Variants in RNF6 observed in about 807,000 individuals in gnomAD.
RNF6 encodes the protein E3 ubiquitin-protein ligase RNF6.
Under a neutral mutation model 50.1 loss-of-function variants are expected in RNF6, and 21 were observed. The ratio of observed to expected loss-of-function variants is 0.42; its 90% CI spans 0.30 to 0.60. The LOEUF (loss-of-function observed/expected upper bound fraction) is 0.60, where lower values mean the gene tolerates loss of function less well. Among genes scored for constraint, RNF6 ranks in the 20% least tolerant of loss-of-function variants. The probability of loss-of-function intolerance (pLI) is 0.20; values close to 1 mark genes in which losing one functional copy is unlikely to be tolerated. For synonymous variants in RNF6, 255 were observed against 291.8 expected (o/e 0.87, Z 1.29); for missense variants, 698 against 838.2 (o/e 0.83, Z 2.07).
intron 5 of RNF6, among the ~76,000 whole-genome samples, chr13:26,159,205 G>A (rs1872084536): frequency 6.6e-6 from 1 of 152,010 alleles, no homozygotes; most frequent in Non-Finnish European, 1.5e-5. Context: ...ACATTATATT[G>A]CCTTTGAGCC....
intron 5 of RNF6, among the ~76,000 whole-genome samples, chr13:26,153,152 CAAGAAAAGAAAAAAAA>C (rs1871715767): frequency 1.3e-5 from 1 of 74,326 alleles, no homozygotes; most frequent in African/African-American, 4.8e-5. Context: ...GACTCTGTCT[CAAGAAAAGAAAAAAAA>C]AAGAAAAGAC....
chr13:26,214,515 T>C lies in RNF6; in HGVS notation c.1367A>G (p.Tyr456Cys). ...SRLERSGIRT[Y>C]VSTITVPLRR... is the part of the protein sequence containing the mutation. ...AAGAGGAACTGTTATGGTACTAACA[T>C]AGGTTCGAATACCTGACCGCTCTAA... The change falls in exon 5 of 5, where the codon TAT becomes TGT. Residue 456 changes from tyrosine (Y) to cysteine (C), a missense_variant. By Grantham distance (194) the Tyr-to-Cys change is radical (BLOSUM62 -2). Coordinates refer to ENST00000381588, the MANE Select transcript of RNF6 (RefSeq NM_005977.4). 1.9e-6 allele frequency: 3 copies of C among 1,614,160 alleles called. No homozygotes were observed. The highest frequency in any genetic ancestry group is 2.5e-6 in the Non-Finnish European group (3 of 1,180,034).
At chr13:26,146,718 C>T (rs1871266333) in intron 5 of RNF6, among the ~76,000 whole-genome samples, 1 of 152,196 alleles carries the variant, frequency 6.6e-6, no homozygotes, top group African/African-American at 2.4e-5. Context: ...ACCCCAGTAG[C>T]TAGAACCCTT....
Position 26,159,337 on chromosome 13 carries a change from A to C in RNF6, n.769-26886T>G, listed in dbSNP as rs149620220. The stretch of plus-strand genomic sequence containing the variant: ...AGTATTTTTAGTGTTAATATTAAAA[A>C]TTTATTGCCGGGTGCGGTGGCTCAC... On this transcript the variant is annotated intron_variant and non_coding_transcript_variant, in intron 5 of 5. Transcript: ENST00000468480. Among the ~76,000 whole-genome samples, 630 of 152,274 alleles carry C rather than the reference A, an allele frequency of 4.1e-3. 6 individuals carry two copies. Among genetic ancestry groups the C allele is most frequent in the African/African-American group, 0.015 (606 of 41,544 alleles).
intron 5 of RNF6, among the ~76,000 whole-genome samples, chr13:26,205,354 T>C (rs1869065890): frequency 6.6e-6 from 1 of 152,228 alleles, no homozygotes; most frequent in Non-Finnish European, 1.5e-5. Flanking sequence ...GCTCTCCAGA[T>C]AACCTAAGAA....
chr13:26,160,776 C>T (rs1297387621), intron 5 of RNF6, among the ~76,000 whole-genome samples: 1 of 152,036 alleles, frequency 6.6e-6, no homozygotes, highest in African/African-American at 2.4e-5. Flanking sequence ...AAGGTGTTGG[C>T]AGAGCCGATT....
chr13:26,139,128 T>A (rs1870800616), intron 5 of RNF6, among the ~76,000 whole-genome samples: 1 of 152,158 alleles, frequency 6.6e-6, no homozygotes. Flanking sequence ...AGCAAAGGAC[T>A]CTGATGGGGG....
At chr13:26,159,526 G>A (rs1161482691) in intron 5 of RNF6, among the ~76,000 whole-genome samples, 2 of 152,084 alleles carry the variant, frequency 1.3e-5, no homozygotes, top group African/African-American at 4.8e-5. Flanking sequence ...TCGGGAGGCT[G>A]AGGCAGGAGA....
At chr13:26,152,762 T>C (rs1871687299) in intron 5 of RNF6, among the ~76,000 whole-genome samples, 1 of 152,180 alleles carries the variant, frequency 6.6e-6, no homozygotes, top group South Asian at 2.1e-4. Flanking sequence ...TTATAATATG[T>C]TACATAGATC....
chr13:26,182,589 G>A (rs912094617), intron 5 of RNF6, among the ~76,000 whole-genome samples: 3 of 152,172 alleles, frequency 2.0e-5, no homozygotes, highest in Admixed American at 1.3e-4. Context: ...GAGGTGGGCC[G>A]ATTGCTTCAG....
At chr13:26,218,020 A>G (rs1326937621) in intron 4 of RNF6, among the ~76,000 whole-genome samples, 1 of 152,246 alleles carries the variant, frequency 6.6e-6, no homozygotes, top group African/African-American at 2.4e-5. Flanking sequence ...GTTAAGAGGA[A>G]CACAAAAGTG....
intron 3 of RNF6, chr13:26,219,184 A>AT: frequency 3.8e-6 from 1 of 263,694 alleles, no homozygotes; most frequent in Non-Finnish European, 7.0e-6. Context: ...ATAGGACCAT[A>AT]TATGTAAATA....
chr13:26,141,033 A>G (rs1230998953), intron 5 of RNF6, among the ~76,000 whole-genome samples: 1 of 152,224 alleles, frequency 6.6e-6, no homozygotes, highest in Non-Finnish European at 1.5e-5. Flanking sequence ...AATCAACATC[A>G]TTGAAATGTC....
At chr13:26,147,019 C>T (rs371077499) in intron 5 of RNF6, among the ~76,000 whole-genome samples, 133 of 152,242 alleles carry the variant, frequency 8.7e-4, no homozygotes, top group Middle Eastern at 3.4e-3. Context: ...CTAATTAAAC[C>T]TCTTTTCTTC....
intron 5 of RNF6, among the ~76,000 whole-genome samples, chr13:26,168,444 T>C (rs1872543664): frequency 6.6e-6 from 1 of 152,214 alleles, no homozygotes; most frequent in Admixed American, 6.5e-5. Flanking sequence ...TCACAAGAAT[T>C]GGTCCATATG....
chr13:26,133,331 T>G (rs569337729), intron 5 of RNF6, among the ~76,000 whole-genome samples: 1 of 152,340 alleles, frequency 6.6e-6, no homozygotes, highest in South Asian at 2.1e-4. Context: ...TGTTTGGATT[T>G]ATCTCTTTTG....
intron 3 of RNF6, among the ~76,000 whole-genome samples, chr13:26,218,951 T>C (rs1303118145): frequency 6.6e-6 from 1 of 152,190 alleles, no homozygotes; most frequent in African/African-American, 2.4e-5. Context: ...AAACTTCAAA[T>C]ATTTACTTGA....
At chr13:26,219,107 A>C (rs1870202667) in intron 3 of RNF6, among the ~76,000 whole-genome samples, 1 of 152,184 alleles carries the variant, frequency 6.6e-6, no homozygotes, top group African/African-American at 2.4e-5. Context: ...TGAATAAATA[A>C]ATTATAATAC....
At chr13:26,163,544 A>T (rs1345019826) in intron 5 of RNF6, among the ~76,000 whole-genome samples, 2 of 152,204 alleles carry the variant, frequency 1.3e-5, no homozygotes, top group Non-Finnish European at 2.9e-5. Context: ...GATATAGGTA[A>T]ATTCTTTAAA....
Sources: gnomAD v4.1 joint callset for allele counts (sites outside exome capture counted in the v4.1 genomes callset) on GRCh38, gnomAD v4.1.1 for gene constraint, MANE v1.5 for transcripts, NCBI Gene and HGNC (gene_info 2026-07-23, HGNC 2026-07-21) for gene names.